TMEM132B: variants seen among roughly 807,000 people sequenced by gnomAD.
The protein encoded by TMEM132B is transmembrane protein 132B.
A neutral mutation model predicts 90.8 loss-of-function variants in TMEM132B; 18 were observed. The observed-to-expected ratio is 0.20, with a 90% CI of 0.14 to 0.29. The LOEUF (loss-of-function observed/expected upper bound fraction) is 0.29, where lower values mean the gene tolerates loss of function less well. Ranked by LOEUF, TMEM132B falls within the 10% of genes least tolerant of loss-of-function variation. The pLI is 1.00. For synonymous variants in TMEM132B, 504 were observed against 523.3 expected, an observed-to-expected ratio of 0.96 and a Z score of 0.50; for missense variants, 1,096 against 1,326.8, an observed-to-expected ratio of 0.83 and a Z score of 2.70.
At position 125,411,366 on chromosome 12, in the gene TMEM132B, G is replaced by T. The variant is rs376719454; in HGVS notation, c.960-4165G>T. Reference sequence around the variant, plus strand: ...CACACACTGGGGCCTGTCAGAGGGTGGGGGGGGGCCTAGGGGAGGGAGAGC... The same window carrying T: ...CACACACTGGGGCCTGTCAGAGGGTTGGGGGGGGCCTAGGGGAGGGAGAGC... On this transcript the variant is annotated intron_variant, in intron 2 of 8. Transcript: ENST00000682704. Among the ~76,000 whole-genome samples the T allele has an allele frequency of 1.9e-3, 86 of 46,484 alleles. 2 individuals are homozygous for T. In the South Asian group the frequency reaches 0.045, roughly 24 times the overall value. The allele number at this position is 46,484 out of a possible 152,430, so 30.5% of individuals were successfully genotyped here. A position where few individuals can be genotyped will look rare whatever the true frequency, so the allele number is the denominator to read the frequency against.
chr12:125,501,815 T>G (rs1882702307), intron 3 of TMEM132B, among the ~76,000 whole-genome samples: 1 of 152,196 alleles, frequency 6.6e-6, no homozygotes, highest in African/African-American at 2.4e-5. Flanking sequence ...ATTATTCATG[T>G]ACTGTATAGG....
At chr12:125,235,337 C>T (rs1046882670) in intron 1 of TMEM132B, among the ~76,000 whole-genome samples, 14 of 152,146 alleles carry the variant, frequency 9.2e-5, no homozygotes, top group Admixed American at 8.5e-4. Context: ...CACTTCTCTT[C>T]ACCTCCATGG....
chr12:125,653,925 A>G lies in TMEM132B; in HGVS notation c.2467A>G (p.Ile823Val). The G allele has an allele frequency of 1.2e-6, 2 of 1,614,208 alleles. No homozygotes were observed. Among genetic ancestry groups the G allele is most frequent in the Non-Finnish European group, 1.7e-6 (2 of 1,180,040 alleles). The change falls in exon 9 of 9, where the codon ATA (isoleucine) becomes GTA (valine). Residue 823 changes from isoleucine to valine, a missense_variant. Transcript: ENST00000682704. ...ATATAAAGACCACCTCAGTAATTCC[A>G]TAGAGCGCGAAGGAAACCAGGAGAG... ...REYKDHLSNS[I>V]EREGNQERAV...
chr12:125,270,112 T>TTGTGTGTGTGTGTGTGTGTGTG (rs59168219), intron 1 of TMEM132B, among the ~76,000 whole-genome samples: 116 of 143,244 alleles, frequency 8.1e-4, no homozygotes, highest in African/African-American at 2.6e-3. Flanking sequence ...CACATCTTTG[T>TTGTGTGTGTGTGTGTGTGTGTG]TGTGTGTGTG....
At chr12:125,518,735 C>T (rs139962766) in intron 3 of TMEM132B, among the ~76,000 whole-genome samples, 16 of 152,302 alleles carry the variant, frequency 1.1e-4, no homozygotes, top group Admixed American at 4.6e-4. Flanking sequence ...CTTCATAGCC[C>T]CCCCACCTGC....
At chr12:125,253,269 C>CA (rs1874355891) in intron 1 of TMEM132B, among the ~76,000 whole-genome samples, 1 of 152,184 alleles carries the variant, frequency 6.6e-6, no homozygotes. Context: ...ATGGAAGCTT[C>CA]ACCATGTGCC....
intron 3 of TMEM132B, among the ~76,000 whole-genome samples, chr12:125,467,630 C>G (rs1011333179): frequency 1.3e-5 from 2 of 152,174 alleles, no homozygotes; most frequent in African/African-American, 4.8e-5. Context: ...TAACATAGTT[C>G]AACATTTTAA....
At chr12:125,222,525 T>G (rs1873583046) in intron 1 of TMEM132B, among the ~76,000 whole-genome samples, 1 of 152,220 alleles carries the variant, frequency 6.6e-6, no homozygotes, top group South Asian at 2.1e-4. Flanking sequence ...ATTTTCACTT[T>G]CTGAACATTT....
rs11058243 is a variant in TMEM132B, at chr12:125,559,660, G to A, written c.1294-24191G>A. Among the ~76,000 whole-genome samples, 580 of 152,182 alleles carry A rather than the reference G, an allele frequency of 3.8e-3. 7 individuals are homozygous for A. The East Asian group carries it at 0.063, about 17-fold the overall frequency. On this transcript the variant is annotated intron_variant, in intron 4 of 8. Coordinates refer to ENST00000682704, the MANE Select transcript of TMEM132B (RefSeq NM_001366854.1). ...CTCCTGACATGAAAGTGGTGTGAGC[G>A]GCATGGTGGCTCTGGAAGCTGAGTC...
intron 1 of TMEM132B, among the ~76,000 whole-genome samples, chr12:125,249,098 G>T (rs1280634357): frequency 6.6e-6 from 1 of 152,166 alleles, no homozygotes; most frequent in Admixed American, 6.5e-5. Flanking sequence ...CTTGGGATCG[G>T]TAAGACTTGT....
At chr12:125,244,747 G>C (rs751662206) in intron 1 of TMEM132B, among the ~76,000 whole-genome samples, 15 of 152,196 alleles carry the variant, frequency 9.9e-5, no homozygotes, top group Non-Finnish European at 1.3e-4. Flanking sequence ...GCCATGCGAA[G>C]GGATGATGGC....
intron 6 of TMEM132B, among the ~76,000 whole-genome samples, chr12:125,644,689 A>G (rs1886714933): frequency 6.6e-6 from 1 of 152,028 alleles, no homozygotes. Context: ...AGCACAGTAC[A>G]GTGGTTAAGA....
chr12:125,357,749 T>A (rs1877827078), intron 2 of TMEM132B, among the ~76,000 whole-genome samples: 1 of 152,144 alleles, frequency 6.6e-6, no homozygotes, highest in Non-Finnish European at 1.5e-5. Context: ...GAGACCTTGA[T>A]GGGGATGTTT....
chr12:125,341,912 A>G (rs1240007975), intron 1 of TMEM132B, among the ~76,000 whole-genome samples: 1 of 152,204 alleles, frequency 6.6e-6, no homozygotes, highest in African/African-American at 2.4e-5. Context: ...CCTGAATCCC[A>G]TGATCCCATA....
chr12:125,624,417 AG>A (rs548391284), intron 5 of TMEM132B, among the ~76,000 whole-genome samples: 220 of 152,238 alleles, frequency 1.4e-3, no homozygotes, highest in Non-Finnish European at 2.8e-3. Flanking sequence ...CCATGATCTT[AG>A]GGTGCAGAAA....
intron 4 of TMEM132B, among the ~76,000 whole-genome samples, chr12:125,555,140 T>C (rs1884341825): frequency 6.6e-6 from 1 of 152,204 alleles, no homozygotes; most frequent in Non-Finnish European, 1.5e-5. Flanking sequence ...TTTATATGCT[T>C]ATAGTTAAGG....
At chr12:125,260,007 A>T (rs371427224) in intron 1 of TMEM132B, among the ~76,000 whole-genome samples, 1 of 152,056 alleles carries the variant, frequency 6.6e-6, no homozygotes, top group East Asian at 1.9e-4. Flanking sequence ...CAACTGTAGA[A>T]ATTATGTTTT....
At chr12:125,341,566 T>G (rs1301537690) in intron 1 of TMEM132B, among the ~76,000 whole-genome samples, 1 of 152,224 alleles carries the variant, frequency 6.6e-6, no homozygotes, top group Non-Finnish European at 1.5e-5. Flanking sequence ...TGCTGGCACA[T>G]GATCCAAGAC....
chr12:125,299,102 G>A (rs1000674211), intron 1 of TMEM132B, among the ~76,000 whole-genome samples: 1 of 152,144 alleles, frequency 6.6e-6, no homozygotes, highest in African/African-American at 2.4e-5. Flanking sequence ...GGGCTCAAGC[G>A]ATCCTCCTGC....
Sources: gnomAD v4.1 joint callset for allele counts (sites outside exome capture counted in the v4.1 genomes callset) on GRCh38, gnomAD v4.1.1 for gene constraint, MANE v1.5 for transcripts, NCBI Gene and HGNC (gene_info 2026-07-23, HGNC 2026-07-21) for gene names.